EYS: variants seen among roughly 807,000 people sequenced by gnomAD.
The protein encoded by EYS is EGF-like photoreceptor maintenance factor.
A neutral mutation model predicts 282.1 loss-of-function variants in EYS; 250 were observed. That is an observed-to-expected ratio of 0.89 (90% CI 0.80 to 0.98). The LOEUF is 0.98. EYS is among the 50% of genes least tolerant of loss of function. The pLI is 0.00. For synonymous variants in EYS, 1,355 were observed against 1,282.9 expected (o/e 1.06, Z -1.20); for missense variants, 4,016 against 3,709.0 (o/e 1.08, Z -2.15).
intron 28 of EYS, among the ~76,000 whole-genome samples, chr6:64,397,977 T>G (rs1185077141): frequency 6.6e-6 from 1 of 151,794 alleles, no homozygotes; most frequent in Non-Finnish European, 1.5e-5. Context: ...TCAGTGGTAT[T>G]TAGAATTGCA....
chr6:65,143,822 T>C (rs1313174240), intron 12 of EYS, among the ~76,000 whole-genome samples: 1 of 152,116 alleles, frequency 6.6e-6, no homozygotes, highest in Non-Finnish European at 1.5e-5. Context: ...TCTTTATTCT[T>C]ATTGCTATCA....
intron 31 of EYS, among the ~76,000 whole-genome samples, chr6:64,097,370 G>A (rs985191283): frequency 6.6e-6 from 1 of 152,152 alleles, no homozygotes; most frequent in African/African-American, 2.4e-5. Flanking sequence ...ACAGAGGAAG[G>A]CAGGCCTCCT....
intron 6 of EYS, among the ~76,000 whole-genome samples, chr6:65,403,371 C>A (rs911735599): frequency 6.6e-6 from 1 of 151,948 alleles, no homozygotes; most frequent in Non-Finnish European, 1.5e-5. Context: ...TGCTGTCCTC[C>A]TTATTTTTTC....
chr6:64,949,328 T>C (rs1461984402), intron 14 of EYS, among the ~76,000 whole-genome samples: 1 of 151,926 alleles, frequency 6.6e-6, no homozygotes, highest in Non-Finnish European at 1.5e-5. Flanking sequence ...TGGAGTTCTC[T>C]TCCAAGTTCA....
chr6:65,300,592 G>A (rs1768792216), intron 11 of EYS, among the ~76,000 whole-genome samples: 1 of 151,980 alleles, frequency 6.6e-6, no homozygotes, highest in African/African-American at 2.4e-5. Context: ...AACTTACATG[G>A]TTATGCTTGG....
intron 7 of EYS, among the ~76,000 whole-genome samples, chr6:65,389,582 C>A (rs1290168909): frequency 5.9e-5 from 9 of 152,088 alleles, no homozygotes; most frequent in Non-Finnish European, 1.3e-4. Context: ...AGGGTGTTAA[C>A]ATTCCTAATG....
chr6:64,770,610 G>A (rs994096100), intron 22 of EYS, among the ~76,000 whole-genome samples: 7 of 151,852 alleles, frequency 4.6e-5, no homozygotes, highest in African/African-American at 1.7e-4. Context: ...CTCAATCGTC[G>A]AAACTAGGTG....
At chr6:65,645,830 G>A (rs559233716) in intron 1 of EYS, among the ~76,000 whole-genome samples, 2 of 152,032 alleles carry the variant, frequency 1.3e-5, no homozygotes, top group African/African-American at 2.4e-5. Flanking sequence ...CTCAATTAGA[G>A]ATGAAATGGG....
At chr6:65,651,720 T>TG (rs1767657173) in intron 1 of EYS, among the ~76,000 whole-genome samples, 1 of 152,058 alleles carries the variant, frequency 6.6e-6, no homozygotes, top group Non-Finnish European at 1.5e-5. Context: ...TGTTTACTTT[T>TG]GAAACTATCC....
At chr6:64,439,066 A>G in intron 27 of EYS, 96 bp downstream of exon 27, 1 of 637,562 alleles carries the variant, frequency 1.6e-6, no homozygotes, top group Non-Finnish European at 2.5e-6. Context: ...TAATATATAG[A>G]GTTAAGTTTA....
At chr6:65,604,143 G>T (rs1212093519) in intron 2 of EYS, among the ~76,000 whole-genome samples, 1 of 151,810 alleles carries the variant, frequency 6.6e-6, no homozygotes, top group Non-Finnish European at 1.5e-5. Flanking sequence ...ACATAGTTTG[G>T]TTGGAATTAG....
intron 29 of EYS, among the ~76,000 whole-genome samples, chr6:64,382,035 G>A (rs552526436): frequency 1.3e-5 from 2 of 151,882 alleles, no homozygotes; most frequent in South Asian, 2.1e-4. Flanking sequence ...TTTCATTTTT[G>A]GTTTCAGTTT....
intron 31 of EYS, among the ~76,000 whole-genome samples, chr6:64,092,397 A>T (rs1772399570): frequency 6.6e-6 from 1 of 151,892 alleles, no homozygotes; most frequent in South Asian, 2.1e-4. Flanking sequence ...ATTTCTCCAC[A>T]TCCTCTCCAG....
At chr6:63,874,045 T>C (rs1772892937) in intron 35 of EYS, among the ~76,000 whole-genome samples, 1 of 152,228 alleles carries the variant, frequency 6.6e-6, no homozygotes, top group Admixed American at 6.5e-5. Flanking sequence ...TTGCTTTTGA[T>C]GTTTTAGTCA....
chr6:64,157,567 A>T (rs116411853), intron 31 of EYS, among the ~76,000 whole-genome samples: 2,921 of 152,282 alleles, frequency 0.019, 81 homozygotes, highest in African/African-American at 0.066. Flanking sequence ...GGCCAGGTCC[A>T]GAGTCCCCAT....
chr6:64,457,506 C>T (rs894315673), intron 26 of EYS, among the ~76,000 whole-genome samples: 1 of 152,078 alleles, frequency 6.6e-6, no homozygotes, highest in Non-Finnish European at 1.5e-5. Flanking sequence ...TCTCTCCCTT[C>T]GTATCTATTG....
At chr6:65,114,909 C>T (rs1184389801) in intron 12 of EYS, among the ~76,000 whole-genome samples, 1 of 152,000 alleles carries the variant, frequency 6.6e-6, no homozygotes, top group Non-Finnish European at 1.5e-5. Flanking sequence ...AGTCATTCCC[C>T]TAGTGATTCC....
Position 64,593,219 on chromosome 6 carries a change from G to T in EYS, c.3775C>A (p.Gln1259Lys), listed in dbSNP as rs1291867456. 25 of 1,550,402 alleles carry T rather than the reference G, an allele frequency of 1.6e-5. No homozygotes were observed. The highest frequency in any genetic ancestry group is 2.2e-5 in the Non-Finnish European group (25 of 1,146,308). ...IFQRTDPIST[Q>K]TYTIPPSETL... is the part of the protein sequence containing the mutation. ...TCAGAAGGGGGAATTGTATATGTCTGTGTGGAAATGGGATCTGTTCTTTGA... is the reference window on the plus strand; with the variant it reads ...TCAGAAGGGGGAATTGTATATGTCTTTGTGGAAATGGGATCTGTTCTTTGA... The change falls in exon 25 of 43, where the codon CAG becomes AAG. Residue 1259 changes from glutamine (Q) to lysine (K), a missense_variant. Gln to Lys is a moderately conservative substitution (Grantham distance 53). Transcript: ENST00000503581.
intron 2 of EYS, among the ~76,000 whole-genome samples, chr6:65,597,717 A>G (rs1765458062): frequency 6.6e-6 from 1 of 152,024 alleles, no homozygotes; most frequent in Non-Finnish European, 1.5e-5. Flanking sequence ...TGCGGCTAAT[A>G]TCAACATTAT....
Sources: allele counts gnomAD v4.1 joint callset (sites outside exome capture counted in the v4.1 genomes callset), GRCh38; gene constraint gnomAD v4.1.1; transcripts MANE v1.5; gene names NCBI Gene and HGNC (gene_info 2026-07-23, HGNC 2026-07-21).